SLAIN2: variants seen among roughly 807,000 people sequenced by gnomAD.
SLAIN2 encodes the protein SLAIN motif-containing protein 2.
SLAIN2 carries 31 observed loss-of-function variants against 56.6 expected under a neutral mutation model. The ratio of observed to expected loss-of-function variants is 0.55; its 90% CI spans 0.41 to 0.74. The LOEUF is 0.74. Ranked by LOEUF, SLAIN2 falls within the 30% of genes least tolerant of loss-of-function variation. The pLI, the probability that SLAIN2 is intolerant of heterozygous loss-of-function variation, is 0.00. For missense variants in SLAIN2, 777 were observed against 754.2 expected (o/e 1.03, Z -0.35); for synonymous variants, 317 against 284.9 (o/e 1.11, Z -1.13).
intron 2 of SLAIN2, among the ~76,000 whole-genome samples, chr4:48,372,256 A>T (rs753551238): frequency 3.3e-5 from 5 of 152,142 alleles, no homozygotes; most frequent in Non-Finnish European, 7.3e-5. Flanking sequence ...TACTTCTTGG[A>T]GCTTATATTC....
At chr4:48,375,526 C>T (rs1366483531) in intron 2 of SLAIN2, among the ~76,000 whole-genome samples, 1 of 151,952 alleles carries the variant, frequency 6.6e-6, no homozygotes, top group African/African-American at 2.4e-5. Flanking sequence ...TCACCGTGTA[C>T]TACCTAGTTC....
intron 1 of SLAIN2, among the ~76,000 whole-genome samples, chr4:48,347,938 C>A (rs1191239906): frequency 6.6e-6 from 1 of 152,172 alleles, no homozygotes; most frequent in African/African-American, 2.4e-5. Context: ...TAGAATGTGT[C>A]ATTTTATCCC....
chr4:48,411,506 TC>T (rs1461304593), intron 6 of SLAIN2, among the ~76,000 whole-genome samples: 1 of 152,156 alleles, frequency 6.6e-6, no homozygotes, highest in Non-Finnish European at 1.5e-5. Context: ...TATCCAGTTG[TC>T]CTAGCAGCAT....
At chr4:48,370,054 A>G (rs952374552) in intron 2 of SLAIN2, 57 bp downstream of exon 2, 13 of 1,548,240 alleles carry the variant, frequency 8.4e-6, no homozygotes, top group Non-Finnish European at 1.1e-5. Context: ...GTCAAAAACC[A>G]TAAATATTGA....
chr4:48,419,846 C>T (rs1717100373), intron 6 of SLAIN2, among the ~76,000 whole-genome samples: 1 of 152,176 alleles, frequency 6.6e-6, no homozygotes, highest in Non-Finnish European at 1.5e-5. Context: ...AGACAGAATC[C>T]TGCAGTGCCT....
chr4:48,421,711 G>A (rs1577744167), intron 7 of SLAIN2, among the ~76,000 whole-genome samples: 1 of 151,812 alleles, frequency 6.6e-6, no homozygotes, highest in East Asian at 1.9e-4. Context: ...AAAATAATAA[G>A]TAAATGATAA....
chr4:48,405,185 T>TA (rs1716660013), intron 6 of SLAIN2, among the ~76,000 whole-genome samples: 1 of 152,200 alleles, frequency 6.6e-6, no homozygotes, highest in African/African-American at 2.4e-5. Context: ...CAAACGCCCT[T>TA]ACCATCCATA....
chr4:48,419,608 A>G (rs1717092576), intron 6 of SLAIN2, among the ~76,000 whole-genome samples: 1 of 152,210 alleles, frequency 6.6e-6, no homozygotes, highest in African/African-American at 2.4e-5. Flanking sequence ...TGTGAAGCAC[A>G]GCAATGGAAG....
At chr4:48,406,918 A>ATG (rs1364741761) in intron 6 of SLAIN2, among the ~76,000 whole-genome samples, 8 of 152,008 alleles carry the variant, frequency 5.3e-5, no homozygotes, top group Non-Finnish European at 1.0e-4. Context: ...TTTTATCTGG[A>ATG]TGTACAATAG....
intron 5 of SLAIN2, among the ~76,000 whole-genome samples, chr4:48,383,167 TCAAA>T (rs1716014356): frequency 1.4e-5 from 1 of 73,802 alleles, no homozygotes. Flanking sequence ...GATCCTGTTT[TCAAA>T]AAAAAAAAAA....
chr4:48,383,167 TC>T (rs1267407601), intron 5 of SLAIN2, among the ~76,000 whole-genome samples: 1,382 of 73,806 alleles, frequency 0.019, 19 homozygotes, highest in African/African-American at 0.079. Context: ...GATCCTGTTT[TC>T]AAAAAAAAAA....
intron 3 of SLAIN2, among the ~76,000 whole-genome samples, chr4:48,379,064 TTTCA>T (rs1199154873): frequency 2.0e-5 from 3 of 152,154 alleles, no homozygotes; most frequent in African/African-American, 7.2e-5. Context: ...GATGAAAATA[TTTCA>T]TTAGAAACAA....
rs906356234 is a variant in SLAIN2, at chr4:48,393,341, A to G, written c.1360+9557A>G. 5.3e-5 allele frequency among the ~76,000 whole-genome samples: 8 copies of G among 150,922 alleles called. 1 individual carries two copies. Among genetic ancestry groups the G allele is most frequent in the African/African-American group, 2.0e-4 (8 of 40,988 alleles). On this transcript the variant is annotated intron_variant, in intron 6 of 7. Transcript: ENST00000264313. ...TGGGCTCAAGCACTCCTCCCACCTC[A>G]GCCTCCTGAATAGCTGGGACCACAG...
chr4:48,355,949 T>C (rs1036889438), intron 1 of SLAIN2, among the ~76,000 whole-genome samples: 4 of 152,150 alleles, frequency 2.6e-5, no homozygotes, highest in African/African-American at 9.6e-5. Flanking sequence ...ATCTTTACTG[T>C]GTTAATAAAC....
intron 6 of SLAIN2, among the ~76,000 whole-genome samples, chr4:48,403,490 A>G (rs1344059674): frequency 6.6e-6 from 1 of 152,230 alleles, no homozygotes; most frequent in Non-Finnish European, 1.5e-5. Context: ...ACGATCTGGC[A>G]CAGCAGCTGT....
rs1715953439 is a variant in SLAIN2 at position 48,380,845 on chromosome 4, C to T, written c.862+997C>T. Reference sequence around the variant, plus strand: ...GTTGTCTGTGTATGTAATAGGTTCTCTTTAAATATGTAGTAGGCTTTATCA... The same window carrying T: ...GTTGTCTGTGTATGTAATAGGTTCTTTTTAAATATGTAGTAGGCTTTATCA... On this transcript the variant is annotated intron_variant, in intron 4 of 7. Coordinates refer to ENST00000264313, the MANE Select transcript of SLAIN2 (RefSeq NM_020846.2). Among the ~76,000 whole-genome samples the T allele has an allele frequency of 2.6e-5, 4 of 152,116 alleles. No individual in the cohort carries two copies. In the South Asian group the frequency reaches 8.3e-4, roughly 31 times the overall value.
At chr4:48,343,128 T>A (rs1024447572) in intron 1 of SLAIN2, among the ~76,000 whole-genome samples, 1 of 152,238 alleles carries the variant, frequency 6.6e-6, no homozygotes, top group African/African-American at 2.4e-5. Context: ...TCGAAATCAT[T>A]CATAGACTCT....
intron 6 of SLAIN2, among the ~76,000 whole-genome samples, chr4:48,389,888 T>A (rs1716192156): frequency 6.6e-6 from 1 of 152,118 alleles, no homozygotes. Flanking sequence ...GGAGCCATAT[T>A]TGGCTTTTAA....
In SLAIN2 at chr4:48,342,072, G is replaced by C. The variant is rs116061582; in HGVS notation, c.333G>C (p.Pro111=). ...GCGGCTTGCTGGACGAGGTGGAGCC[G>C]CTGCGGCCCGACGAGCTGGAGCGCC... ...GEGGLLDEVE[P]LRPDELERLS... is the part of the protein sequence containing the mutation. Residue 111 remains proline, a synonymous_variant, in exon 1 of 8, where the codon CCG becomes CCC. Coordinates refer to ENST00000264313, the MANE Select transcript of SLAIN2 (RefSeq NM_020846.2). The C allele has an allele frequency of 6.5e-4, 899 of 1,373,064 alleles. 11 individuals carry two copies. The African/African-American group carries it at 0.013, about 20-fold the overall frequency. 85.1% of individuals were successfully genotyped at this position (1,373,064 alleles called of 1,614,324 possible). A position where few individuals can be genotyped will look rare whatever the true frequency, so the allele number is the denominator to read the frequency against.
Sources: allele counts gnomAD v4.1 joint callset (sites outside exome capture counted in the v4.1 genomes callset), GRCh38; gene constraint gnomAD v4.1.1; transcripts MANE v1.5; gene names NCBI Gene and HGNC (gene_info 2026-07-23, HGNC 2026-07-21).